The following HEATR3 variants were observed in gnomAD, a reference collection of about 807,000 sequenced individuals.
The protein encoded by HEATR3 is HEAT repeat-containing protein 3.
Under a neutral mutation model 72.8 loss-of-function variants are expected in HEATR3, and 56 were observed. That is an observed-to-expected ratio of 0.77 (90% CI 0.62 to 0.96). The LOEUF is 0.96. Ranked by LOEUF, HEATR3 falls within the 40% of genes least tolerant of loss-of-function variation. The pLI, the probability that HEATR3 is intolerant of heterozygous loss-of-function variation, is 0.00. For missense variants in HEATR3, 747 were observed against 831.4 expected (o/e 0.90, Z 1.25); for synonymous variants, 331 against 318.1 (o/e 1.04, Z -0.43).
chr16:50,101,203 G>A (rs371712320), intron 13 of HEATR3, among the ~76,000 whole-genome samples: 15 of 144,212 alleles, frequency 1.0e-4, no homozygotes, highest in East Asian at 2.1e-4. Flanking sequence ...TGCAACCTCC[G>A]CCTCTGGGTT....
chr16:50,082,785 T>TTTTTTC (rs1420421509), intron 7 of HEATR3, among the ~76,000 whole-genome samples: 1 of 151,840 alleles, frequency 6.6e-6, no homozygotes, highest in Non-Finnish European at 1.5e-5. Context: ...CAGGTAAATT[T>TTTTTTC]TTTTTCTTTT....
intron 11 of HEATR3, among the ~76,000 whole-genome samples, chr16:50,091,902 A>G (rs1055337245): frequency 1.3e-5 from 2 of 152,040 alleles, no homozygotes; most frequent in African/African-American, 4.8e-5. Context: ...ATATCGTTCA[A>G]AGTTGTTGAG....
chr16:50,081,515 C>T (rs993153673), intron 7 of HEATR3, among the ~76,000 whole-genome samples: 1 of 150,204 alleles, frequency 6.7e-6, no homozygotes. Context: ...GGTGGTGGGG[C>T]GGGGGGTAGA....
At chr16:50,092,272 A>G (rs2037130358) in intron 11 of HEATR3, among the ~76,000 whole-genome samples, 2 of 152,116 alleles carry the variant, frequency 1.3e-5, no homozygotes, top group South Asian at 4.1e-4. Flanking sequence ...CGGGAGGTCC[A>G]GGCTATTAAC....
At chr16:50,087,999 C>T (rs1256370453) in intron 11 of HEATR3, among the ~76,000 whole-genome samples, 3 of 152,046 alleles carry the variant, frequency 2.0e-5, no homozygotes, top group African/African-American at 7.2e-5. Flanking sequence ...TGGTGGCAGG[C>T]ACCTGTAATC....
At chr16:50,080,454 C>T (rs1387232427) in intron 7 of HEATR3, among the ~76,000 whole-genome samples, 4 of 151,744 alleles carry the variant, frequency 2.6e-5, no homozygotes, top group African/African-American at 9.7e-5. Context: ...AATTCTCCTG[C>T]CTTAGCCTCC....
At chr16:50,099,279 A>T (rs1373038300) in intron 12 of HEATR3, among the ~76,000 whole-genome samples, 1 of 152,122 alleles carries the variant, frequency 6.6e-6, no homozygotes, top group African/African-American at 2.4e-5. Context: ...AGCTTATGGG[A>T]TCAGTGTGAT....
intron 11 of HEATR3, among the ~76,000 whole-genome samples, chr16:50,089,550 T>C (rs1186457324): frequency 6.6e-6 from 1 of 152,178 alleles, no homozygotes; most frequent in Non-Finnish European, 1.5e-5. Flanking sequence ...TTCGGAGAAA[T>C]GGAGAATCAA....
chr16:50,083,231 C>A (rs1238919398), intron 7 of HEATR3, among the ~76,000 whole-genome samples: 2 of 152,072 alleles, frequency 1.3e-5, no homozygotes, highest in Non-Finnish European at 2.9e-5. Context: ...TTTGGAATAT[C>A]AGTATGGTTA....
At chr16:50,082,236 G>A (rs796777278) in intron 7 of HEATR3, among the ~76,000 whole-genome samples, 5 of 152,144 alleles carry the variant, frequency 3.3e-5, no homozygotes, top group African/African-American at 1.2e-4. Flanking sequence ...CCAGCTACTC[G>A]GGAGGCTGAG....
chr16:50,081,240 G>A (rs2036859610), intron 7 of HEATR3, among the ~76,000 whole-genome samples: 1 of 152,144 alleles, frequency 6.6e-6, no homozygotes, highest in African/African-American at 2.4e-5. Flanking sequence ...AGGAGTTCAA[G>A]ACCAGCCTGA....
intron 6 of HEATR3, among the ~76,000 whole-genome samples, chr16:50,077,509 T>C (rs2036763002): frequency 6.6e-6 from 1 of 152,188 alleles, no homozygotes; most frequent in African/African-American, 2.4e-5. Context: ...CAGATTGTTG[T>C]GCAGTAAAAA....
intron 2 of HEATR3, among the ~76,000 whole-genome samples, chr16:50,067,096 G>A (rs577401648): frequency 1.4e-4 from 22 of 152,308 alleles, no homozygotes; most frequent in Middle Eastern, 6.8e-3. Flanking sequence ...GCACACACCT[G>A]TAATCCCATT....
chr16:50,071,718 T>A (rs965622976), intron 4 of HEATR3, among the ~76,000 whole-genome samples: 2 of 152,242 alleles, frequency 1.3e-5, no homozygotes, highest in South Asian at 4.1e-4. Context: ...ATAGAAGATA[T>A]GAAATATTTT....
chr16:50,082,906 T>A (rs1480105341), intron 7 of HEATR3, among the ~76,000 whole-genome samples: 1 of 152,186 alleles, frequency 6.6e-6, no homozygotes, highest in African/African-American at 2.4e-5. Context: ...TTCTCCTGCC[T>A]TGGCCTCCCA....
intron 7 of HEATR3, among the ~76,000 whole-genome samples, chr16:50,081,143 T>A (rs978399849): frequency 1.3e-5 from 2 of 152,238 alleles, no homozygotes; most frequent in African/African-American, 4.8e-5. Flanking sequence ...AAAAACTGGC[T>A]TTTTAAAGTC....
At chr16:50,068,366 C>G (rs753441076) in intron 2 of HEATR3, among the ~76,000 whole-genome samples, 17 of 152,204 alleles carry the variant, frequency 1.1e-4, no homozygotes, top group Admixed American at 3.3e-4. Context: ...TCTTGAATTC[C>G]TGAGCTCAAT....
intron 7 of HEATR3, among the ~76,000 whole-genome samples, chr16:50,080,439 C>T (rs1483236514): frequency 2.6e-5 from 4 of 150,964 alleles, no homozygotes; most frequent in Non-Finnish European, 2.9e-5. Context: ...CTCCCAGGTT[C>T]GAGCAATTCT....
chr16:50,089,731 C>T (rs990263294), intron 11 of HEATR3, among the ~76,000 whole-genome samples: 2 of 151,952 alleles, frequency 1.3e-5, no homozygotes, highest in Non-Finnish European at 2.9e-5. Context: ...TACAGTAGCA[C>T]GATCTTGGCT....
Sources: gnomAD v4.1 joint callset for allele counts (sites outside exome capture counted in the v4.1 genomes callset) on GRCh38, gnomAD v4.1.1 for gene constraint, MANE v1.5 for transcripts, NCBI Gene and HGNC (gene_info 2026-07-23, HGNC 2026-07-21) for gene names.